The following LUZP2 variants were observed in gnomAD, a reference collection of about 807,000 sequenced individuals.
LUZP2 encodes leucine zipper protein 2.
In LUZP2, 52 loss-of-function variants were observed where a neutral mutation model predicts 51.6. That is an observed-to-expected ratio of 1.01 (90% CI 0.81 to 1.27). The LOEUF is 1.27. LUZP2 is among the 50% of genes most tolerant of loss of function. The pLI, the probability that LUZP2 is intolerant of heterozygous loss-of-function variation, is 0.00. For missense variants in LUZP2, 436 were observed against 395.4 expected (o/e 1.10, Z -0.87); for synonymous variants, 154 against 137.3 (o/e 1.12, Z -0.85).
At chr11:24,872,661 A>T (rs999080648) in intron 5 of LUZP2, among the ~76,000 whole-genome samples, 4 of 152,148 alleles carry the variant, frequency 2.6e-5, no homozygotes, top group Admixed American at 6.5e-5. Flanking sequence ...AGTAAATCTA[A>T]TATTTTAGGA....
chr11:24,856,301 G>A (rs558028370), intron 5 of LUZP2, among the ~76,000 whole-genome samples: 2 of 152,100 alleles, frequency 1.3e-5, no homozygotes, highest in African/African-American at 2.4e-5. Flanking sequence ...TTTCAAAGAA[G>A]ACATACAAAT....
chr11:24,586,368 T>C (rs1163175894), intron 1 of LUZP2, among the ~76,000 whole-genome samples: 1 of 152,102 alleles, frequency 6.6e-6, no homozygotes, highest in African/African-American at 2.4e-5. Context: ...GTATTTTTTA[T>C]TTTTAGAAAA....
At chr11:25,071,855 AAAT>A (rs925277333) in intron 10 of LUZP2, among the ~76,000 whole-genome samples, 1 of 151,624 alleles carries the variant, frequency 6.6e-6, no homozygotes, top group East Asian at 1.9e-4. Flanking sequence ...AGATAAAAAA[AAAT>A]AAATAAATCA....
chr11:25,003,475 A>G (rs774427163), intron 9 of LUZP2, among the ~76,000 whole-genome samples: 11 of 152,194 alleles, frequency 7.2e-5, no homozygotes, highest in Non-Finnish European at 1.2e-4. Context: ...ATAACTGGAT[A>G]TAGAGGAATT....
At chr11:24,878,777 C>CA (rs886129176) in intron 5 of LUZP2, among the ~76,000 whole-genome samples, 3 of 151,696 alleles carry the variant, frequency 2.0e-5, no homozygotes, top group Non-Finnish European at 4.4e-5. Flanking sequence ...TTTTGCCCCC[C>CA]ACACCCTAAC....
intron 1 of LUZP2, among the ~76,000 whole-genome samples, chr11:24,633,504 G>A (rs1854962207): frequency 6.6e-6 from 1 of 151,918 alleles, no homozygotes; most frequent in South Asian, 2.1e-4. Flanking sequence ...AGAAGAAAAA[G>A]CAGTGGAAAA....
chr11:24,497,113 C>A lies in LUZP2; in HGVS notation c.-131C>A, dbSNP rs1291813853. On this transcript the variant is annotated 5_prime_UTR_variant, in exon 1 of 12. Coordinates refer to ENST00000336930, the MANE Select transcript of LUZP2 (RefSeq NM_001009909.4). ...TTCCCCAGGCGTCCGTTCGTGTGCCCGTCTCCGCCTTTCCGCCTCGGAAGA... is the reference window on the plus strand; with the variant it reads ...TTCCCCAGGCGTCCGTTCGTGTGCCAGTCTCCGCCTTTCCGCCTCGGAAGA... 6.7e-6 allele frequency: 5 copies of A among 745,286 alleles called. No individual in the cohort carries two copies. The highest frequency in any genetic ancestry group is 1.0e-5 in the Non-Finnish European group (5 of 502,450). The allele number at this position is 745,286 out of a possible 1,614,324, so 46.2% of individuals were successfully genotyped here.
intron 5 of LUZP2, among the ~76,000 whole-genome samples, chr11:24,840,354 C>T (rs1032528466): frequency 3.3e-5 from 5 of 151,830 alleles, no homozygotes; most frequent in Non-Finnish European, 5.9e-5. Context: ...ACATTTGACA[C>T]GTACCAGATG....
intron 4 of LUZP2, among the ~76,000 whole-genome samples, chr11:24,752,185 G>A (rs566253514): frequency 1.1e-4 from 17 of 152,068 alleles, no homozygotes; most frequent in African/African-American, 2.7e-4. Flanking sequence ...TCGTGCCATC[G>A]TGAAATTTTA....
intron 1 of LUZP2, chr11:24,646,505 A>G (rs1206105962): frequency 1.3e-6 from 1 of 770,254 alleles, no homozygotes; most frequent in Non-Finnish European, 1.6e-6. Context: ...CCTTATTGGA[A>G]TTTACAGCCC....
chr11:25,003,309 G>C (rs539114237), intron 9 of LUZP2, among the ~76,000 whole-genome samples: 2 of 152,198 alleles, frequency 1.3e-5, no homozygotes. Flanking sequence ...GATGGTCCAC[G>C]TAAGTTGGGA....
chr11:24,553,633 G>T lies in LUZP2; in HGVS notation c.62+56328G>T, dbSNP rs575001173. Among the ~76,000 whole-genome samples the T allele has an allele frequency of 3.3e-5, 5 of 152,178 alleles. No individual in the cohort carries two copies. In the South Asian group the frequency reaches 1.0e-3, roughly 32 times the overall value. On this transcript the variant is annotated intron_variant, in intron 1 of 11. Transcript: ENST00000336930. The stretch of plus-strand genomic sequence containing the variant: ...AAATGATAAGCTGATGTTTAAAATA[G>T]GACCGTTCTCTCTTCCTTCTTAGGG...
intron 7 of LUZP2, among the ~76,000 whole-genome samples, chr11:24,928,701 G>A (rs1854351761): frequency 6.6e-6 from 1 of 151,946 alleles, no homozygotes; most frequent in African/African-American, 2.4e-5. Context: ...AAAATGTTAT[G>A]TCCTTTTCTG....
chr11:24,648,909 A>G (rs1855543222), intron 1 of LUZP2, among the ~76,000 whole-genome samples: 1 of 151,956 alleles, frequency 6.6e-6, no homozygotes, highest in Non-Finnish European at 1.5e-5. Context: ...TATTTTCTTT[A>G]ATGACCCCTC....
At chr11:24,593,799 C>A (rs1590217924) in intron 1 of LUZP2, among the ~76,000 whole-genome samples, 2 of 152,256 alleles carry the variant, frequency 1.3e-5, no homozygotes, top group South Asian at 2.1e-4. Flanking sequence ...ATTAGTCAAA[C>A]AAATTCCTAA....
At chr11:24,717,132 C>A (rs956957379) in intron 1 of LUZP2, among the ~76,000 whole-genome samples, 1 of 151,608 alleles carries the variant, frequency 6.6e-6, no homozygotes, top group East Asian at 1.9e-4. Flanking sequence ...GAAGTAATTT[C>A]TCTAACTAGA....
Position 24,900,637 on chromosome 11 carries a change from A to G in LUZP2, c.397-5354A>G, listed in dbSNP as rs867951036. On this transcript the variant is annotated intron_variant, in intron 5 of 11. Transcript: ENST00000336930. Reference sequence around the variant, plus strand: ...TGATATGTTAAGCAGACTGTATCCTACACTTGTGCCAGCCACTGAGTTTTT... The same window carrying G: ...TGATATGTTAAGCAGACTGTATCCTGCACTTGTGCCAGCCACTGAGTTTTT... 2.6e-5 allele frequency among the ~76,000 whole-genome samples: 4 copies of G among 152,160 alleles called. 1 individual carries two copies. The highest frequency in any genetic ancestry group is 2.6e-4 in the Admixed American group (4 of 15,272).
At chr11:24,773,885 A>G (rs1848826530) in intron 5 of LUZP2, among the ~76,000 whole-genome samples, 1 of 152,106 alleles carries the variant, frequency 6.6e-6, no homozygotes, top group African/African-American at 2.4e-5. Context: ...GAGGACCCTA[A>G]CCACAAAGCC....
chr11:24,847,067 ATTAC>A (rs1401363498), intron 5 of LUZP2, among the ~76,000 whole-genome samples: 1 of 151,702 alleles, frequency 6.6e-6, no homozygotes, highest in Non-Finnish European at 1.5e-5. Flanking sequence ...TATTAATATT[ATTAC>A]TTCTTTTTCT....
Sources: allele counts gnomAD v4.1 joint callset (sites outside exome capture counted in the v4.1 genomes callset), GRCh38; gene constraint gnomAD v4.1.1; transcripts MANE v1.5; gene names NCBI Gene and HGNC (gene_info 2026-07-23, HGNC 2026-07-21).